The following MYO16 variants were observed in gnomAD, a reference collection of about 807,000 sequenced individuals.
The protein encoded by MYO16 is myosin XVI.
A neutral mutation model predicts 205.3 loss-of-function variants in MYO16; 94 were observed. The observed-to-expected ratio is 0.46, with a 90% CI of 0.39 to 0.54. The LOEUF (loss-of-function observed/expected upper bound fraction) is 0.54, where lower values mean the gene tolerates loss of function less well. MYO16 is among the 20% of genes least tolerant of loss of function. The pLI is 0.00. For missense variants in MYO16, 2,315 were observed against 2,387.5 expected, an observed-to-expected ratio of 0.97 and a Z score of 0.63; for synonymous variants, 988 against 954.0, an observed-to-expected ratio of 1.04 and a Z score of -0.66.
At chr13:108,996,452 C>G (rs552131914) in intron 21 of MYO16, among the ~76,000 whole-genome samples, 1 of 152,034 alleles carries the variant, frequency 6.6e-6, no homozygotes, top group Non-Finnish European at 1.5e-5. Context: ...GCAATCTGGA[C>G]AGTTGATGAA....
the MYO16 span, among the ~76,000 whole-genome samples, chr13:108,576,565 T>G: frequency 6.6e-6 from 1 of 152,352 alleles, no homozygotes; most frequent in Admixed American, 6.5e-5. Flanking sequence ...AATAACATCT[T>G]TAACTAATTC....
At chr13:109,069,333 A>G (rs1389500032) in intron 27 of MYO16, among the ~76,000 whole-genome samples, 2 of 152,136 alleles carry the variant, frequency 1.3e-5, no homozygotes, top group Non-Finnish European at 2.9e-5. Flanking sequence ...TTGTCCCCAA[A>G]TCATCCTTTG....
intron 8 of MYO16, 150 bp downstream of exon 8, chr13:108,820,562 A>G (rs773303419): frequency 7.8e-6 from 5 of 644,484 alleles, no homozygotes; most frequent in Admixed American, 7.7e-5. Context: ...AGCACAATTC[A>G]TCATCGCCTA....
chr13:109,032,746 G>A (rs1488712538), intron 23 of MYO16, among the ~76,000 whole-genome samples: 2 of 152,128 alleles, frequency 1.3e-5, no homozygotes, highest in African/African-American at 4.8e-5. Context: ...TGTAGTCTTG[G>A]ATATTCCTAC....
At chr13:108,885,742 T>C (rs1267828478) in intron 13 of MYO16, among the ~76,000 whole-genome samples, 1 of 152,162 alleles carries the variant, frequency 6.6e-6, no homozygotes, top group African/African-American at 2.4e-5. Flanking sequence ...TCTAGGATGA[T>C]CATTGCAGCT....
intron 13 of MYO16, among the ~76,000 whole-genome samples, chr13:108,886,108 C>T (rs376821555): frequency 2.6e-5 from 4 of 152,128 alleles, no homozygotes; most frequent in East Asian, 1.9e-4. Flanking sequence ...CTGCCTCAGC[C>T]TCCCGAATAG....
intron 23 of MYO16, among the ~76,000 whole-genome samples, chr13:109,038,776 G>T (rs1886792713): frequency 6.6e-6 from 1 of 151,866 alleles, no homozygotes; most frequent in South Asian, 2.1e-4. Context: ...AAATTTTAAA[G>T]AATCTTTTTA....
chr13:108,787,471 AACG>A (rs1308546416), intron 5 of MYO16, among the ~76,000 whole-genome samples: 2 of 152,262 alleles, frequency 1.3e-5, no homozygotes, highest in Non-Finnish European at 2.9e-5. Flanking sequence ...TAGAAAATAA[AACG>A]ACATTTATTT....
chr13:108,674,725 C>A (rs1335322663), intron 2 of MYO16, among the ~76,000 whole-genome samples: 1 of 152,144 alleles, frequency 6.6e-6, no homozygotes, highest in African/African-American at 2.4e-5. Context: ...AAGTACTCTG[C>A]AAGGATGACT....
chr13:108,639,186 G>GA (rs1880391386), intron 1 of MYO16, among the ~76,000 whole-genome samples: 1 of 152,146 alleles, frequency 6.6e-6, no homozygotes, highest in Non-Finnish European at 1.5e-5. Context: ...AGGAGAGACT[G>GA]AAAATGGGAG....
intron 23 of MYO16, among the ~76,000 whole-genome samples, chr13:109,030,614 G>A (rs1213749661): frequency 6.6e-6 from 1 of 152,114 alleles, no homozygotes; most frequent in African/African-American, 2.4e-5. Context: ...GAATATTGAT[G>A]ATGTTTCTCA....
intron 20 of MYO16, among the ~76,000 whole-genome samples, chr13:108,973,265 A>G (rs1409887487): frequency 6.6e-6 from 1 of 152,144 alleles, no homozygotes; most frequent in East Asian, 1.9e-4. Flanking sequence ...TTTGCTACCC[A>G]GTATAATTGT....
At chr13:109,071,402 A>G (rs1457616465) in intron 27 of MYO16, among the ~76,000 whole-genome samples, 1 of 152,184 alleles carries the variant, frequency 6.6e-6, no homozygotes, top group Non-Finnish European at 1.5e-5. Flanking sequence ...AGCAGTGCGT[A>G]TAGTGAGGGA....
chr13:108,630,262 T>A (rs1879918819), intron 1 of MYO16, among the ~76,000 whole-genome samples: 3 of 152,232 alleles, frequency 2.0e-5, no homozygotes, highest in Admixed American at 6.5e-5. Context: ...TGAGGTCATT[T>A]AGCTAGTATT....
At chr13:109,099,205 C>T (rs117806592) in intron 27 of MYO16, among the ~76,000 whole-genome samples, 1 of 152,262 alleles carries the variant, frequency 6.6e-6, no homozygotes, top group East Asian at 1.9e-4. Flanking sequence ...TTGTGAGTTG[C>T]CTCTGCTCTT....
intron 4 of MYO16, 47 bp downstream of exon 4, chr13:108,727,630 A>G: frequency 6.3e-7 from 1 of 1,575,038 alleles, no homozygotes; most frequent in Non-Finnish European, 8.6e-7. Context: ...GATGGCATGT[A>G]AAAGGCTATA....
At chr13:108,929,304 A>T (rs1882147501) in intron 16 of MYO16, among the ~76,000 whole-genome samples, 1 of 152,226 alleles carries the variant, frequency 6.6e-6, no homozygotes, top group Non-Finnish European at 1.5e-5. Context: ...GCATATGCAC[A>T]AGTGAAAAGC....
chr13:108,557,846 C>A, the MYO16 span, among the ~76,000 whole-genome samples: 1 of 152,030 alleles, frequency 6.6e-6, no homozygotes, highest in Non-Finnish European at 1.5e-5. Flanking sequence ...ATTACATATG[C>A]ATTTCCTTTT....
At chr13:108,933,085 A>C (rs1258646642) in intron 16 of MYO16, among the ~76,000 whole-genome samples, 1 of 152,172 alleles carries the variant, frequency 6.6e-6, no homozygotes, top group Non-Finnish European at 1.5e-5. Flanking sequence ...TTTCAGAATG[A>C]GAATGTTCTC....
Sources: gnomAD v4.1 joint callset for allele counts (sites outside exome capture counted in the v4.1 genomes callset) on GRCh38, gnomAD v4.1.1 for gene constraint, MANE v1.5 for transcripts, NCBI Gene and HGNC (gene_info 2026-07-23, HGNC 2026-07-21) for gene names.